The following CEP120 variants were observed in gnomAD, a reference collection of about 807,000 sequenced individuals.
CEP120 encodes centrosomal protein 120, also known as centrosomal protein of 120 kDa.
CEP120 carries 113 observed loss-of-function variants against 126.5 expected under a neutral mutation model. That is an observed-to-expected ratio of 0.89 (90% CI 0.77 to 1.04). CEP120 has a LOEUF of 1.04. Among genes scored for constraint, CEP120 ranks in the 50% least tolerant of loss-of-function variants. The probability of loss-of-function intolerance (pLI) is 0.00; values close to 1 mark genes in which losing one functional copy is unlikely to be tolerated. For missense variants in CEP120, 1,230 were observed against 1,155.7 expected, an observed-to-expected ratio of 1.06 and a Z score of -0.93; for synonymous variants, 400 against 394.3, an observed-to-expected ratio of 1.01 and a Z score of -0.17.
At chr5:123,379,312 A>G (rs1409801292) in intron 14 of CEP120, among the ~76,000 whole-genome samples, 1 of 152,044 alleles carries the variant, frequency 6.6e-6, no homozygotes, top group East Asian at 1.9e-4. Flanking sequence ...TTTTTTATAC[A>G]TATTGCTTTC....
At chr5:123,390,166 T>G (rs772695187) in intron 7 of CEP120, 26 bp from the exon 8 acceptor site, 1 of 1,500,534 alleles carries the variant, frequency 6.7e-7, no homozygotes, top group Admixed American at 1.9e-5. Context: ...AAATAAAGTA[T>G]AATTTGCAAA....
intron 18 of CEP120, among the ~76,000 whole-genome samples, chr5:123,361,289 C>T (rs561052530): frequency 2.0e-5 from 3 of 151,804 alleles, no homozygotes; most frequent in African/African-American, 7.2e-5. Context: ...TGGTGATAGC[C>T]CCCAGTGGTC....
At chr5:123,421,714 G>T (rs1214828924) in intron 1 of CEP120, among the ~76,000 whole-genome samples, 6 of 151,986 alleles carry the variant, frequency 3.9e-5, no homozygotes, top group African/African-American at 1.5e-4. Context: ...ATCCTTGGAG[G>T]GAATGGAGGT....
intron 4 of CEP120, chr5:123,402,310 C>A (rs1357760225): frequency 6.9e-7 from 1 of 1,452,712 alleles, no homozygotes; most frequent in Non-Finnish European, 9.2e-7. Context: ...GAGGTGGACA[C>A]CTTGTAGGAC....
Position 123,382,874 on chromosome 5 carries a change from G to A in CEP120, c.1876C>T (p.Gln626Ter). Reference sequence around the variant, plus strand: ...GGAGGAAGAGAAGACGGCTTTTGCTGTACGGCAGATACACCCTAAGAGATG... The same window carrying A: ...GGAGGAAGAGAAGACGGCTTTTGCTATACGGCAGATACACCCTAAGAGATG... The part of the protein sequence containing the change: ...SDSSQGVSAV[Q>*]QKPSSLPPAP... The change falls in exon 13 of 20, where the codon CAG (glutamine) becomes TAG (stop). Residue 626 changes from glutamine (Q) to a stop codon, truncating the protein, a stop_gained. Coordinates refer to ENST00000306467, the MANE Select transcript of CEP120 (RefSeq NM_001375405.1). LOFTEE classifies it high-confidence loss of function. The A allele has an allele frequency of 6.2e-7, 1 of 1,613,222 alleles. No individual in the cohort carries two copies. Among genetic ancestry groups the A allele is most frequent in the Non-Finnish European group, 8.5e-7 (1 of 1,179,550 alleles).
rs1292062612 is a variant in CEP120 at position 123,423,285 on chromosome 5, T to G, written c.-287A>C. On this transcript the variant is annotated 5_prime_UTR_variant, in exon 1 of 20. Coordinates refer to ENST00000306467, the MANE Select transcript of CEP120 (RefSeq NM_001375405.1). ...ACAAGCCCGCCACCCGAGGACCTTT[T>G]GCCGCCTGCGTAGCCGCTTTTCAAA... is the stretch of plus-strand genomic sequence containing the variant. 6 of 434,550 alleles carry G rather than the reference T, an allele frequency of 1.4e-5. No individual in the cohort carries two copies. The highest frequency in any genetic ancestry group is 8.2e-6 in the Non-Finnish European group (2 of 244,096). The allele number at this position is 434,550 out of a possible 1,614,324, so 26.9% of individuals were successfully genotyped here.
chr5:123,417,461 T>C (rs1388563151), intron 2 of CEP120, among the ~76,000 whole-genome samples: 3 of 152,152 alleles, frequency 2.0e-5, no homozygotes, highest in African/African-American at 4.8e-5. Context: ...AAAAAATATA[T>C]ACTATAACTT....
At chr5:123,399,309 A>C in intron 4 of CEP120, 25 bp from the exon 5 acceptor site, 1 of 1,609,034 alleles carries the variant, frequency 6.2e-7, no homozygotes, top group Non-Finnish European at 8.5e-7. Flanking sequence ...ACACGATTAA[A>C]CTACATTGTA....
At position 123,385,109 on chromosome 5, in the gene CEP120, C is replaced by T; in HGVS notation, c.1605G>A (p.Trp535Ter). Residue 535 changes from tryptophan (W) to a stop codon, truncating the protein, a stop_gained, in exon 11 of 20, where the codon TGG becomes TGA. Transcript: ENST00000306467. LOFTEE classifies it high-confidence loss of function. ...AATCTTTACTCATTTTATCCTTGTG[C>T]CATAGTTCAACCAGTAATGGAATCC... ...FLRIPLLVEL[W>*]HKDKMSKDLL... 2 of 1,612,818 alleles carry T rather than the reference C, an allele frequency of 1.2e-6. No homozygotes were observed. Among genetic ancestry groups the T allele is most frequent in the African/African-American group, 1.3e-5 (1 of 74,972 alleles).
chr5:123,416,919 A>G (rs1229027813), intron 2 of CEP120, among the ~76,000 whole-genome samples: 5 of 152,186 alleles, frequency 3.3e-5, no homozygotes, highest in African/African-American at 1.2e-4. Context: ...AATATAACAC[A>G]TAACAGTGTT....
upstream of CEP120, among the ~76,000 whole-genome samples, chr5:123,423,777 C>A (rs1774878888): frequency 6.6e-6 from 1 of 152,144 alleles, no homozygotes; most frequent in Non-Finnish European, 1.5e-5. Flanking sequence ...TGACTTAAAT[C>A]TAAACTCTAA....
Position 123,420,317 on chromosome 5 carries a change from C to T in CEP120, c.50-1802G>A, listed in dbSNP as rs561288345. On this transcript the variant is annotated intron_variant, in intron 1 of 19. Transcript: ENST00000306467. Reference sequence around the variant, plus strand: ...GAACAAACAGATGCCTGCCTTGCTGCAGACAATGATACAGAGATAACAGAA... The same window carrying T: ...GAACAAACAGATGCCTGCCTTGCTGTAGACAATGATACAGAGATAACAGAA... Among the ~76,000 whole-genome samples, 34 of 152,324 alleles carry T rather than the reference C, an allele frequency of 2.2e-4. No homozygotes were observed. The Middle Eastern group carries it at 0.014, about 61-fold the overall frequency.
chr5:123,391,420 A>G, intron 6 of CEP120, 83 bp from the exon 7 acceptor site: 1 of 1,083,528 alleles, frequency 9.2e-7, no homozygotes, highest in Non-Finnish European at 1.4e-6. Context: ...AGAAGTTGTA[A>G]AATGATGCAT....
chr5:123,422,994 A>G lies in CEP120; in HGVS notation c.5T>C (p.Val2Ala), dbSNP rs767904943. Residue 2 changes from valine to alanine, a missense_variant, in exon 1 of 20, where the codon GTC (valine) becomes GCC (alanine). Coordinates refer to ENST00000306467, the MANE Select transcript of CEP120 (RefSeq NM_001375405.1). ...GATGAGCAATTGGTCGGATTTGGAGACCATGGTTGCGGTGAGCGGTCCGGG... is the reference window on the plus strand; with the variant it reads ...GATGAGCAATTGGTCGGATTTGGAGGCCATGGTTGCGGTGAGCGGTCCGGG... MVSKSDQLLIVV... is the reference protein window; with the variant it reads MASKSDQLLIVV... 6.2e-7 allele frequency: 1 copy of G among 1,613,982 alleles called. No homozygotes were observed. The highest frequency in any genetic ancestry group is 8.5e-7 in the Non-Finnish European group (1 of 1,179,942).
intron 11 of CEP120, among the ~76,000 whole-genome samples, chr5:123,384,475 T>C (rs1255395444): frequency 2.0e-5 from 3 of 152,108 alleles, no homozygotes; most frequent in Non-Finnish European, 4.4e-5. Flanking sequence ...AAAAAACCAA[T>C]AATTATTTTA....
intron 19 of CEP120, among the ~76,000 whole-genome samples, chr5:123,348,506 C>A (rs1164434280): frequency 6.6e-6 from 1 of 152,042 alleles, no homozygotes; most frequent in East Asian, 1.9e-4. Flanking sequence ...ATAAAAGTAC[C>A]ACAGATTGAA....
chr5:123,348,530 G>A (rs918800059), intron 19 of CEP120, among the ~76,000 whole-genome samples: 5 of 152,212 alleles, frequency 3.3e-5, no homozygotes, highest in African/African-American at 1.2e-4. Context: ...TGTTAAGCAC[G>A]GTCCTTAAAG....
In CEP120 at chr5:123,388,645, G is replaced by A. The variant is rs1462126019; in HGVS notation, c.1256-39C>T. Reference sequence around the variant, plus strand: ...AAAATAAAACAAAATAATCACACTTGCTAACAGTTTCTCTTAAATTGTACA... The same window carrying A: ...AAAATAAAACAAAATAATCACACTTACTAACAGTTTCTCTTAAATTGTACA... On this transcript the variant is annotated intron_variant, in intron 8 of 19. Coordinates refer to ENST00000306467, the MANE Select transcript of CEP120 (RefSeq NM_001375405.1). 3 of 1,443,210 alleles carry A rather than the reference G, an allele frequency of 2.1e-6. No homozygotes were observed. The Admixed American group carries it at 7.4e-5, about 35-fold the overall frequency. 89.4% of individuals were successfully genotyped at this position (1,443,210 alleles called of 1,614,324 possible).
At chr5:123,387,879 T>C (rs879727585) in intron 9 of CEP120, among the ~76,000 whole-genome samples, 3 of 152,164 alleles carry the variant, frequency 2.0e-5, no homozygotes, top group African/African-American at 4.8e-5. Flanking sequence ...ATTCTTAATA[T>C]AGAACAATGT....
Sources: allele counts gnomAD v4.1 joint callset (sites outside exome capture counted in the v4.1 genomes callset), GRCh38; gene constraint gnomAD v4.1.1; transcripts MANE v1.5; gene names NCBI Gene and HGNC (gene_info 2026-07-23, HGNC 2026-07-21).